NYNRIN: variants seen among roughly 807,000 people sequenced by gnomAD.
NYNRIN encodes NYN domain and retroviral integrase containing.
NYNRIN carries 86 observed loss-of-function variants against 146.6 expected under a neutral mutation model. That is an observed-to-expected ratio of 0.59 (90% CI 0.49 to 0.70). The LOEUF (loss-of-function observed/expected upper bound fraction) is 0.70, where lower values mean the gene tolerates loss of function less well. Among genes scored for constraint, NYNRIN ranks in the 30% least tolerant of loss-of-function variants. The pLI is 0.00. For synonymous variants in NYNRIN, 1,027 were observed against 1,001.3 expected (o/e 1.03, Z -0.48); for missense variants, 2,191 against 2,377.7 (o/e 0.92, Z 1.63).
At position 24,407,848 on chromosome 14, in the gene NYNRIN, T is replaced by C. The variant is rs1237045297; in HGVS notation, c.199-21T>C. Reference sequence around the variant, plus strand: ...GGCCCCCAACGGGCTGACTTCATTGTGTTCTCCCCATTGTGCCCAGGAATA... The same window carrying C: ...GGCCCCCAACGGGCTGACTTCATTGCGTTCTCCCCATTGTGCCCAGGAATA... On this transcript the variant is annotated intron_variant, in intron 2 of 8. Coordinates refer to ENST00000382554, the MANE Select transcript of NYNRIN (RefSeq NM_025081.3). 7 of 1,573,374 alleles carry C rather than the reference T, an allele frequency of 4.4e-6. No individual in the cohort carries two copies. In the East Asian group the frequency reaches 1.6e-4, roughly 35 times the overall value.
chr14:24,408,840 C>T lies in NYNRIN; in HGVS notation c.1046C>T (p.Ala349Val). The change falls in exon 4 of 9, where the codon GCC becomes GTC. Residue 349 changes from alanine to valine, a missense_variant. By Grantham distance (64) the Ala-to-Val change is moderately conservative. Coordinates refer to ENST00000382554, the MANE Select transcript of NYNRIN (RefSeq NM_025081.3). ...SALGVCPPWK[A>V]WTPGPAFGPL... ...CTGGGTGTGTGCCCACCCTGGAAGGCCTGGACCCCGGGGCCAGCCTTTGGG... is the reference window on the plus strand; with the variant it reads ...CTGGGTGTGTGCCCACCCTGGAAGGTCTGGACCCCGGGGCCAGCCTTTGGG... 4.3e-6 allele frequency: 7 copies of T among 1,614,044 alleles called. No homozygotes were observed. The highest frequency in any genetic ancestry group is 5.9e-6 in the Non-Finnish European group (7 of 1,179,894).
Position 24,399,081 on chromosome 14 carries a change from T to G in NYNRIN, c.-23T>G. The G allele has an allele frequency of 1.6e-6, 1 of 615,228 alleles. No individual in the cohort carries two copies. The highest frequency in any genetic ancestry group is 2.7e-6 in the Non-Finnish European group (1 of 370,796). The allele number at this position is 615,228 out of a possible 1,614,324, so 38.1% of individuals were successfully genotyped here. On this transcript the variant is annotated 5_prime_UTR_variant, in exon 1 of 9. Transcript: ENST00000382554. Reference sequence around the variant, plus strand: ...CTCCAGAGGGCGGGCGCCCGAGCCGTGCGGGGTGGGTCCCGCCGCCTGGAG... The same window carrying G: ...CTCCAGAGGGCGGGCGCCCGAGCCGGGCGGGGTGGGTCCCGCCGCCTGGAG...
At position 24,409,419 on chromosome 14, in the gene NYNRIN, A is replaced by G; in HGVS notation, c.1625A>G (p.Glu542Gly). ...QSVPGAQTVP[E>G]TLKVPMAAAV... ...GTACCTGGAGCTCAAACAGTGCCTG[A>G]AACTCTCAAAGTGCCCATGGCTGCA... Residue 542 changes from glutamate to glycine, a missense_variant, in exon 4 of 9, where the codon GAA (glutamate) becomes GGA (glycine). Coordinates refer to ENST00000382554, the MANE Select transcript of NYNRIN (RefSeq NM_025081.3). 6.2e-7 allele frequency: 1 copy of G among 1,614,030 alleles called. No homozygotes were observed. Among genetic ancestry groups the G allele is most frequent in the Non-Finnish European group, 8.5e-7 (1 of 1,179,902 alleles).
In NYNRIN at chr14:24,415,982, C is replaced by T. The variant is rs2042942499; in HGVS notation, c.4233C>T (p.Leu1411=). The change falls in exon 9 of 9, where the codon CTC becomes CTT. Residue 1411 remains leucine (L), a synonymous_variant. Transcript: ENST00000382554. The part of the protein sequence containing the change: ...DGAPLPHPSL[L]SYIISLTSGL... Reference sequence around the variant, plus strand: ...CTCCACTCCCTCACCCAAGCCTGCTCTCCTACATTATATCCCTCACCTCTG... The same window carrying T: ...CTCCACTCCCTCACCCAAGCCTGCTTTCCTACATTATATCCCTCACCTCTG... The T allele has an allele frequency of 6.2e-7, 1 of 1,614,012 alleles. No individual in the cohort carries two copies. Among genetic ancestry groups the T allele is most frequent in the Non-Finnish European group, 8.5e-7 (1 of 1,179,900 alleles).
At chr14:24,410,622 C>T (rs1337087539) in intron 4 of NYNRIN, among the ~76,000 whole-genome samples, 1 of 152,246 alleles carries the variant, frequency 6.6e-6, no homozygotes, top group East Asian at 1.9e-4. Context: ...TCTGCTGGCC[C>T]TTAGCGATTG....
At chr14:24,399,926 A>G (rs902423971) in intron 2 of NYNRIN, among the ~76,000 whole-genome samples, 2 of 152,134 alleles carry the variant, frequency 1.3e-5, no homozygotes, top group African/African-American at 4.8e-5. Flanking sequence ...TCTGAGTACT[A>G]GGACTGGAGG....
At position 24,411,504 on chromosome 14, in the gene NYNRIN, G is replaced by T. The variant is rs1330548483; in HGVS notation, c.2642+54G>T. 1.4e-6 allele frequency: 2 copies of T among 1,474,230 alleles called. No individual in the cohort carries two copies. The highest frequency in any genetic ancestry group is 1.9e-6 in the Non-Finnish European group (2 of 1,054,360). 91.3% of individuals were successfully genotyped at this position (1,474,230 alleles called of 1,614,324 possible). A position where few individuals can be genotyped will look rare whatever the true frequency, so the allele number is the denominator to read the frequency against. On this transcript the variant is annotated intron_variant, in intron 6 of 8. Transcript: ENST00000382554. This position sits in a 1 kb window ranked among gnomAD's most constrained non-coding sequence, Gnocchi z 4.3. ...GGGCTCAGGGAGTTGGGCCTGGCTG[G>T]TGTGTCAGGTGGAGTCCGGCCTGTC...
Position 24,399,241 on chromosome 14 carries a change from G to T in NYNRIN, c.-6G>T, listed in dbSNP as rs2042824324. ...CTCCTTCGTTCCAGGAGCGGGCGGG[G>T]CAGCCATGCTCCTGTCTGGGGGCGA... On this transcript the variant is annotated 5_prime_UTR_variant, in exon 2 of 9. Transcript: ENST00000382554. 6.2e-7 allele frequency: 1 copy of T among 1,613,076 alleles called. No individual in the cohort carries two copies.
rs966832054 is a variant in NYNRIN at position 24,399,087 on chromosome 14, G to T, written c.-18+1G>T. The T allele has an allele frequency of 4.6e-6, 3 of 646,822 alleles. No homozygotes were observed. The highest frequency in any genetic ancestry group is 4.1e-5 in the South Asian group (2 of 49,176). The allele number at this position is 646,822 out of a possible 1,614,324, so 40.1% of individuals were successfully genotyped here. On this transcript the variant is annotated splice_donor_variant, in intron 1 of 8. Coordinates refer to ENST00000382554, the MANE Select transcript of NYNRIN (RefSeq NM_025081.3). LOFTEE classifies it low-confidence loss of function (5UTR_SPLICE). ...AGGGCGGGCGCCCGAGCCGTGCGGG[G>T]TGGGTCCCGCCGCCTGGAGGAAGGA...
In NYNRIN at chr14:24,416,888, G is replaced by T. The variant is rs751856677; in HGVS notation, c.5139G>T (p.Leu1713=). 6.2e-7 allele frequency: 1 copy of T among 1,606,792 alleles called. No individual in the cohort carries two copies. Residue 1713 remains leucine (L), a synonymous_variant, in exon 9 of 9, where the codon CTG becomes CTT. Coordinates refer to ENST00000382554, the MANE Select transcript of NYNRIN (RefSeq NM_025081.3). Reference sequence around the variant, plus strand: ...GTCGGGACCTCCAGTTCCCCTGCCTGACGAGCTCAGGGGCCTACTGGGAAT... The same window carrying T: ...GTCGGGACCTCCAGTTCCCCTGCCTTACGAGCTCAGGGGCCTACTGGGAAT... ...SLSRDLQFPC[L]TSSGAYWEFK...
At chr14:24,406,796 T>C (rs4982907) in intron 2 of NYNRIN, among the ~76,000 whole-genome samples, 108,175 of 152,126 alleles carry the variant, frequency 0.71, 39,445 homozygotes, top group Middle Eastern at 0.87. Context: ...CCACATGGGG[T>C]GGCTGATTGG....
Position 24,408,805 on chromosome 14 carries a change from A to G in NYNRIN, c.1011A>G (p.Pro337=). 6.2e-7 allele frequency: 1 copy of G among 1,614,060 alleles called. No homozygotes were observed. The highest frequency in any genetic ancestry group is 8.5e-7 in the Non-Finnish European group (1 of 1,179,888). ...KIEDKLLFQP[P]VSALGVCPPW... is the part of the protein sequence containing the mutation. ...AAGATAAACTCCTCTTCCAACCTCCAGTATCAGCCCTGGGTGTGTGCCCAC... is the reference window on the plus strand; with the variant it reads ...AAGATAAACTCCTCTTCCAACCTCCGGTATCAGCCCTGGGTGTGTGCCCAC... The change falls in exon 4 of 9, where the codon CCA becomes CCG. Residue 337 remains proline, a synonymous_variant. Coordinates refer to ENST00000382554, the MANE Select transcript of NYNRIN (RefSeq NM_025081.3).
Position 24,408,256 on chromosome 14 carries a change from G to A in NYNRIN, c.586G>A (p.Ala196Thr). Residue 196 changes from alanine to threonine, a missense_variant, in exon 3 of 9, where the codon GCT becomes ACT. Transcript: ENST00000382554. ...QELLLSLVRDAAGKEDIIEWL... is the reference protein window; with the variant it reads ...QELLLSLVRDTAGKEDIIEWL... ...GCTGCTGCTGAGCCTGGTGCGGGAT[G>A]CTGCGGGCAAGGAAGACATCATCGA... 2 of 1,610,112 alleles carry A rather than the reference G, an allele frequency of 1.2e-6. No homozygotes were observed. Among genetic ancestry groups the A allele is most frequent in the Non-Finnish European group, 1.7e-6 (2 of 1,179,750 alleles).
intron 2 of NYNRIN, 103 bp downstream of exon 2, chr14:24,399,547 C>G: frequency 1.9e-6 from 2 of 1,074,758 alleles, no homozygotes; most frequent in African/African-American, 3.2e-5. Context: ...CCACCCTGCC[C>G]CCGCCTGGAT....
chr14:24,417,453 G>C lies in NYNRIN; in HGVS notation c.*7G>C. On this transcript the variant is annotated 3_prime_UTR_variant, in exon 9 of 9. Transcript: ENST00000382554. Reference sequence around the variant, plus strand: ...CAAGGTCTTGGAGCAGTGAGCGGGAGCAGCGGGGGTGCCCCCTGCCCCAGG... The same window carrying C: ...CAAGGTCTTGGAGCAGTGAGCGGGACCAGCGGGGGTGCCCCCTGCCCCAGG... The C allele has an allele frequency of 1.4e-6, 2 of 1,462,906 alleles. No individual in the cohort carries two copies. The highest frequency in any genetic ancestry group is 9.0e-7 in the Non-Finnish European group (1 of 1,107,094). 90.6% of individuals were successfully genotyped at this position (1,462,906 alleles called of 1,614,324 possible).
chr14:24,407,490 G>A (rs1296301512), intron 2 of NYNRIN, among the ~76,000 whole-genome samples: 1 of 152,188 alleles, frequency 6.6e-6, no homozygotes, highest in Non-Finnish European at 1.5e-5. Flanking sequence ...ATGCCAGACT[G>A]GGACTAGACC....
intron 2 of NYNRIN, among the ~76,000 whole-genome samples, chr14:24,404,254 AT>A (rs1460729955): frequency 6.6e-6 from 1 of 151,972 alleles, no homozygotes; most frequent in Non-Finnish European, 1.5e-5. Context: ...CTTTCTGAAG[AT>A]TTCCTTAATT....
rs762649803 is a variant in NYNRIN, at chr14:24,414,991, A to G, written c.3242A>G (p.His1081Arg). 8.8e-6 allele frequency: 14 copies of G among 1,597,954 alleles called. No individual in the cohort carries two copies. In the East Asian group the frequency reaches 2.7e-4, roughly 31 times the overall value. Reference protein sequence around the residue: ...GKAPCQQVLAHLAQLTIPSNF... With the variant: ...GKAPCQQVLARLAQLTIPSNF... ...GCTCCCTGCCAGCAGGTTCTTGCCCACCTGGCCCAGCTCACCATCCCCAGC... is the reference window on the plus strand; with the variant it reads ...GCTCCCTGCCAGCAGGTTCTTGCCCGCCTGGCCCAGCTCACCATCCCCAGC... The change falls in exon 9 of 9, where the codon CAC becomes CGC. Residue 1081 changes from histidine (H) to arginine (R), a missense_variant. Around this residue, in one of 3 missense-constraint regions of NYNRIN, gnomAD observed 1,291 missense variants for 1,417.0 expected, o/e 0.91. Transcript: ENST00000382554.
chr14:24,413,168 G>A (rs1323861179), intron 7 of NYNRIN, 70 bp downstream of exon 7: 1 of 1,351,542 alleles, frequency 7.4e-7, no homozygotes, highest in Non-Finnish European at 1.0e-6. Context: ...GCATGGGAGG[G>A]ATTAGGGCTG....
Sources: allele counts gnomAD v4.1 joint callset (sites outside exome capture counted in the v4.1 genomes callset), GRCh38; gene constraint gnomAD v4.1.1; regional missense constraint gnomAD v4.1.1; non-coding constraint Gnocchi (gnomAD v3.1); transcripts MANE v1.5; gene names NCBI Gene and HGNC (gene_info 2026-07-23, HGNC 2026-07-21).